The following IGF2BP2 variants were observed in gnomAD, a reference collection of about 807,000 sequenced individuals.
IGF2BP2 encodes the protein insulin-like growth factor 2 mRNA-binding protein 2.
In IGF2BP2, 17 loss-of-function variants were observed where a neutral mutation model predicts 75.8. The observed-to-expected ratio is 0.22, with a 90% CI of 0.15 to 0.34. The LOEUF is 0.34. IGF2BP2 is among the 10% of genes least tolerant of loss of function. The pLI, the probability that IGF2BP2 is intolerant of heterozygous loss-of-function variation, is 1.00. For synonymous variants in IGF2BP2, 288 were observed against 295.6 expected (o/e 0.97, Z 0.26); for missense variants, 516 against 772.4 (o/e 0.67, Z 3.93).
At chr3:185,665,455 GAGAAGAAGA>G (rs773228830) in intron 10 of IGF2BP2, among the ~76,000 whole-genome samples, 3 of 101,074 alleles carry the variant, frequency 3.0e-5, no homozygotes, top group African/African-American at 4.0e-5. Flanking sequence ...GGAGGAGGAG[GAGAAGAAGA>G]AGAAGAAGAA....
intron 2 of IGF2BP2, among the ~76,000 whole-genome samples, chr3:185,746,497 T>C (rs1353351277): frequency 6.6e-6 from 1 of 152,154 alleles, no homozygotes; most frequent in Non-Finnish European, 1.5e-5. Context: ...GAGGCCACCA[T>C]CCTAATTCAG....
intron 15 of IGF2BP2, among the ~76,000 whole-genome samples, chr3:185,646,027 C>A (rs1190305305): frequency 6.6e-6 from 1 of 152,164 alleles, no homozygotes; most frequent in East Asian, 1.9e-4. Context: ...GAGGGAGGAA[C>A]TGAGCCCAGA....
chr3:185,823,368 G>C (rs1741614215), intron 1 of IGF2BP2, 155 bp from the exon 2 acceptor site: 2 of 506,256 alleles, frequency 4.0e-6, no homozygotes, highest in Non-Finnish European at 7.0e-6. Flanking sequence ...TTGGTTCCCA[G>C]TAGAAAGAAA....
chr3:185,645,654 G>C lies in IGF2BP2; in HGVS notation c.1708-31C>G, dbSNP rs1713382794. Reference sequence around the variant, plus strand: ...GCAAGGGAGAGAAGGGAGAGGAAGGGACAGGGGAAAAAAGGAACCCAGTTC... The same window carrying C: ...GCAAGGGAGAGAAGGGAGAGGAAGGCACAGGGGAAAAAAGGAACCCAGTTC... On this transcript the variant is annotated intron_variant, in intron 15 of 15. Coordinates refer to ENST00000382199, the MANE Select transcript of IGF2BP2 (RefSeq NM_006548.6). This position sits in a 1 kb window ranked among gnomAD's most constrained non-coding sequence, Gnocchi z 4.9. The C allele has an allele frequency of 1.3e-6, 2 of 1,579,874 alleles. No homozygotes were observed. Among genetic ancestry groups the C allele is most frequent in the African/African-American group, 1.3e-5 (1 of 74,182 alleles).
intron 2 of IGF2BP2, among the ~76,000 whole-genome samples, chr3:185,749,671 T>C (rs986688809): frequency 1.3e-5 from 2 of 152,174 alleles, no homozygotes; most frequent in Non-Finnish European, 2.9e-5. Flanking sequence ...CTGGGTAATT[T>C]TGAGAAAAAA....
intron 2 of IGF2BP2, among the ~76,000 whole-genome samples, chr3:185,747,100 C>A (rs1235250315): frequency 6.6e-6 from 1 of 152,162 alleles, no homozygotes; most frequent in Non-Finnish European, 1.5e-5. Context: ...GGATAATTAT[C>A]CATCTACATA....
At position 185,688,749 on chromosome 3, in the gene IGF2BP2, G is replaced by A. The variant is rs138814584; in HGVS notation, c.677+606C>T. Among the ~76,000 whole-genome samples the A allele has an allele frequency of 3.8e-3, 583 of 152,310 alleles. 2 individuals are homozygous for A. The highest frequency in any genetic ancestry group is 0.013 in the African/African-American group (546 of 41,560). On this transcript the variant is annotated intron_variant, in intron 6 of 15. Coordinates refer to ENST00000382199, the MANE Select transcript of IGF2BP2 (RefSeq NM_006548.6). ...CCATTTAAAGTGCTACAACTTGAAC[G>A]TAAGTCTTTGTTTTCAAGTCCCGAG...
intron 2 of IGF2BP2, among the ~76,000 whole-genome samples, chr3:185,723,205 C>T (rs559002044): frequency 2.0e-5 from 3 of 152,206 alleles, no homozygotes; most frequent in South Asian, 4.2e-4. Context: ...ACATTAGGGG[C>T]ACAATCAAAA....
At chr3:185,807,832 T>C (rs773310555) in intron 2 of IGF2BP2, among the ~76,000 whole-genome samples, 1 of 152,208 alleles carries the variant, frequency 6.6e-6, no homozygotes, top group Non-Finnish European at 1.5e-5. Context: ...GTAAGCTTAG[T>C]AGCCAACCTT....
At chr3:185,752,253 C>T (rs988150345) in intron 2 of IGF2BP2, among the ~76,000 whole-genome samples, 1 of 152,196 alleles carries the variant, frequency 6.6e-6, no homozygotes, top group African/African-American at 2.4e-5. Context: ...CCCTACACTC[C>T]ATCACTAGGC....
At chr3:185,766,187 A>G (rs1045480864) in intron 2 of IGF2BP2, among the ~76,000 whole-genome samples, 1 of 152,236 alleles carries the variant, frequency 6.6e-6, no homozygotes, top group East Asian at 1.9e-4. Context: ...TCAAAGAGGA[A>G]GCTACTACCA....
chr3:185,713,406 C>T (rs1560340747), intron 2 of IGF2BP2: 1 of 519,802 alleles, frequency 1.9e-6, no homozygotes, highest in South Asian at 1.4e-5. Context: ...ATTGGAAAAG[C>T]AGCAGTGGGC....
At chr3:185,660,586 G>A (rs1018571994) in intron 10 of IGF2BP2, among the ~76,000 whole-genome samples, 10 of 152,112 alleles carry the variant, frequency 6.6e-5, no homozygotes, top group African/African-American at 2.2e-4. Context: ...ACTTGGAAAG[G>A]GGCTGCAGCA....
At chr3:185,812,564 G>C (rs1011519751) in intron 2 of IGF2BP2, among the ~76,000 whole-genome samples, 1 of 152,194 alleles carries the variant, frequency 6.6e-6, no homozygotes, top group Non-Finnish European at 1.5e-5. Context: ...TCAAGAAAGG[G>C]CTTTGGGTCA....
intron 2 of IGF2BP2, among the ~76,000 whole-genome samples, chr3:185,699,799 C>A (rs1463406970): frequency 1.3e-5 from 2 of 152,188 alleles, no homozygotes; most frequent in Non-Finnish European, 1.5e-5. Flanking sequence ...CCATCCCCTA[C>A]TAATGGACAT....
intron 2 of IGF2BP2, among the ~76,000 whole-genome samples, chr3:185,723,012 C>T (rs965440374): frequency 9.2e-5 from 14 of 152,030 alleles, no homozygotes; most frequent in African/African-American, 3.4e-4. Flanking sequence ...TTTGTTCTGC[C>T]TTTGCTAAAT....
At chr3:185,729,331 T>G (rs1204292482) in intron 2 of IGF2BP2, among the ~76,000 whole-genome samples, 1 of 152,200 alleles carries the variant, frequency 6.6e-6, no homozygotes, top group South Asian at 2.1e-4. Context: ...ACCATTCAGA[T>G]CTGGGTAGCT....
intron 12 of IGF2BP2, among the ~76,000 whole-genome samples, chr3:185,653,289 CT>C (rs1163108589): frequency 1.3e-5 from 2 of 152,072 alleles, no homozygotes; most frequent in Non-Finnish European, 2.9e-5. Flanking sequence ...AAAATTAAAA[CT>C]TATTAACACA....
chr3:185,691,350 G>T (rs1426639370), intron 5 of IGF2BP2, among the ~76,000 whole-genome samples: 1 of 151,040 alleles, frequency 6.6e-6, no homozygotes, highest in African/African-American at 2.4e-5. Flanking sequence ...TGCCCACCTC[G>T]GCCTCCCAAA....
Sources: allele counts gnomAD v4.1 joint callset (sites outside exome capture counted in the v4.1 genomes callset), GRCh38; gene constraint gnomAD v4.1.1; non-coding constraint Gnocchi (gnomAD v3.1); transcripts MANE v1.5; gene names NCBI Gene and HGNC (gene_info 2026-07-23, HGNC 2026-07-21).